TRAPPC9: variants seen among roughly 807,000 people sequenced by gnomAD.
TRAPPC9 encodes trafficking protein particle complex subunit 9.
Under a neutral mutation model 124.0 loss-of-function variants are expected in TRAPPC9, and 83 were observed. The ratio of observed to expected loss-of-function variants is 0.67; its 90% CI spans 0.56 to 0.80. TRAPPC9 has a LOEUF of 0.80. Among genes scored for constraint, TRAPPC9 ranks in the 30% least tolerant of loss-of-function variants. The pLI, the probability that TRAPPC9 is intolerant of heterozygous loss-of-function variation, is 0.00. For missense variants in TRAPPC9, 1,302 were observed against 1,508.3 expected, an observed-to-expected ratio of 0.86 and a Z score of 2.27; for synonymous variants, 638 against 617.5, an observed-to-expected ratio of 1.03 and a Z score of -0.49.
chr8:140,100,057 A>G (rs2060546607), intron 17 of TRAPPC9: 1 of 146,986 alleles, frequency 6.8e-6, no homozygotes, highest in South Asian at 2.2e-4. Flanking sequence ...GAGTGCCGCA[A>G]TCTTCAGGGT....
At chr8:139,794,382 G>A (rs1363867839) in intron 21 of TRAPPC9, among the ~76,000 whole-genome samples, 3 of 152,182 alleles carry the variant, frequency 2.0e-5, no homozygotes, top group Non-Finnish European at 2.9e-5. Flanking sequence ...CCCATCTCAG[G>A]CCGTTTCCAG....
chr8:139,743,458 T>G (rs765702236), intron 21 of TRAPPC9, among the ~76,000 whole-genome samples: 9 of 152,152 alleles, frequency 5.9e-5, no homozygotes, highest in Non-Finnish European at 1.0e-4. Context: ...GTGAGTCAAG[T>G]TTTTAAGGCT....
intron 17 of TRAPPC9, among the ~76,000 whole-genome samples, chr8:140,151,015 A>G (rs1303681256): frequency 1.3e-5 from 2 of 152,226 alleles, no homozygotes; most frequent in Non-Finnish European, 2.9e-5. Context: ...GCAAGATGAC[A>G]TTTAGCTAAC....
At chr8:139,909,070 C>A (rs1392622926) in intron 20 of TRAPPC9, among the ~76,000 whole-genome samples, 1 of 152,162 alleles carries the variant, frequency 6.6e-6, no homozygotes, top group African/African-American at 2.4e-5. Flanking sequence ...AGGAATTGGC[C>A]TCAGGTTCTG....
At chr8:140,230,455 A>C (rs1251503437) in intron 16 of TRAPPC9, among the ~76,000 whole-genome samples, 2 of 151,894 alleles carry the variant, frequency 1.3e-5, no homozygotes, top group East Asian at 3.9e-4. Flanking sequence ...CTAAAAATAC[A>C]AAAAAAATTA....
intron 19 of TRAPPC9, among the ~76,000 whole-genome samples, chr8:139,980,653 T>A (rs1220670127): frequency 1.3e-5 from 2 of 152,208 alleles, no homozygotes; most frequent in Non-Finnish European, 2.9e-5. Flanking sequence ...TCCTACTTTA[T>A]GAAGAGCACT....
At chr8:139,882,351 C>T (rs910906588) in intron 21 of TRAPPC9, among the ~76,000 whole-genome samples, 4 of 151,990 alleles carry the variant, frequency 2.6e-5, no homozygotes, top group South Asian at 2.1e-4. Flanking sequence ...GTGGCTGGAC[C>T]GAAACATAAA....
chr8:139,999,453 G>T (rs990528081), intron 18 of TRAPPC9, among the ~76,000 whole-genome samples: 2 of 151,846 alleles, frequency 1.3e-5, no homozygotes, highest in African/African-American at 4.8e-5. Flanking sequence ...AAACTGAAAG[G>T]ATGAATGAAC....
chr8:140,148,561 A>C (rs2061495152), intron 17 of TRAPPC9, among the ~76,000 whole-genome samples: 1 of 152,178 alleles, frequency 6.6e-6, no homozygotes, highest in Non-Finnish European at 1.5e-5. Context: ...TCAGGGCACC[A>C]AGAACCCCTT....
rs938473418 is a variant in TRAPPC9, at chr8:140,182,242, T to C, written c.2556+39217A>G. Among the ~76,000 whole-genome samples the C allele has an allele frequency of 2.0e-5, 3 of 151,982 alleles. No individual in the cohort carries two copies. The highest frequency in any genetic ancestry group is 7.3e-5 in the African/African-American group (3 of 41,348). ...TATCCAAAAATTCTTTACATTATAG[T>C]CTCTGGGTTGAAGCAGGCAAATGTT... On this transcript the variant is annotated intron_variant, in intron 17 of 22. Transcript: ENST00000438773. This position sits in a 1 kb window ranked among gnomAD's most constrained non-coding sequence, Gnocchi z 4.0.
chr8:139,948,001 T>C (rs1427281535), intron 19 of TRAPPC9, among the ~76,000 whole-genome samples: 1 of 148,634 alleles, frequency 6.7e-6, no homozygotes, highest in Non-Finnish European at 1.5e-5. Flanking sequence ...CAGACCTGGA[T>C]TCTTGTCCAC....
chr8:140,057,213 T>C (rs1010307527), intron 17 of TRAPPC9, among the ~76,000 whole-genome samples: 9 of 152,144 alleles, frequency 5.9e-5, no homozygotes, highest in African/African-American at 9.7e-5. Flanking sequence ...TGTGGAGAAA[T>C]TGGAGTCCTT....
rs201497168 is a variant in TRAPPC9, at chr8:140,018,330, T to TC, written c.2699+5606_2699+5607insG. Among the ~76,000 whole-genome samples, 67 of 107,970 alleles carry TC rather than the reference T, an allele frequency of 6.2e-4. 1 individual carries two copies. Among genetic ancestry groups the TC allele is most frequent in the African/African-American group, 1.4e-3 (48 of 34,312 alleles). 70.8% of individuals were successfully genotyped at this position (107,970 alleles called of 152,430 possible). A position where few individuals can be genotyped will look rare whatever the true frequency, so the allele number is the denominator to read the frequency against. On this transcript the variant is annotated intron_variant, in intron 18 of 22. Coordinates refer to ENST00000438773, the MANE Select transcript of TRAPPC9 (RefSeq NM_001160372.4). ...GTATATAGAAACGTAAGTGATTTTT[T>TC]TTTTTTTTTTTGAGACGGAGTCTCA...
chr8:140,271,658 C>T (rs536920355), intron 15 of TRAPPC9, among the ~76,000 whole-genome samples: 1 of 152,336 alleles, frequency 6.6e-6, no homozygotes, highest in South Asian at 2.1e-4. Context: ...CTTCACCAAT[C>T]ATCGGGGAAA....
intron 19 of TRAPPC9, among the ~76,000 whole-genome samples, chr8:139,925,719 G>A (rs1587236721): frequency 6.6e-6 from 1 of 150,506 alleles, no homozygotes; most frequent in East Asian, 2.0e-4. Flanking sequence ...CTGCACTTGA[G>A]CCTGGGCAAC....
intron 20 of TRAPPC9, among the ~76,000 whole-genome samples, chr8:139,893,261 C>T (rs962378635): frequency 7.2e-5 from 11 of 152,174 alleles, no homozygotes; most frequent in South Asian, 2.1e-4. Flanking sequence ...ATCCTCACGG[C>T]GTGCCGCAGA....
intron 20 of TRAPPC9, 84 bp downstream of exon 20, chr8:139,910,063 C>T (rs1033398831): frequency 2.0e-6 from 3 of 1,498,892 alleles, no homozygotes; most frequent in Non-Finnish European, 2.7e-6. Context: ...AATTCAATAG[C>T]TAAGACCCTC....
At chr8:139,831,657 T>A (rs897932082) in intron 21 of TRAPPC9, among the ~76,000 whole-genome samples, 21 of 152,114 alleles carry the variant, frequency 1.4e-4, no homozygotes, top group African/African-American at 5.1e-4. Flanking sequence ...AGCCTCTCCA[T>A]CCAGTCATCC....
intron 15 of TRAPPC9, among the ~76,000 whole-genome samples, chr8:140,261,446 A>C (rs574746463): frequency 2.6e-5 from 4 of 152,330 alleles, no homozygotes; most frequent in East Asian, 3.9e-4. Flanking sequence ...GCTTCTCTCT[A>C]TCTGAAAATT....
Sources: gnomAD v4.1 joint callset for allele counts (sites outside exome capture counted in the v4.1 genomes callset) on GRCh38, gnomAD v4.1.1 for gene constraint, Gnocchi (gnomAD v3.1) non-coding constraint, MANE v1.5 for transcripts, NCBI Gene and HGNC (gene_info 2026-07-23, HGNC 2026-07-21) for gene names.